RYR3: variants seen among roughly 807,000 people sequenced by gnomAD.
The protein encoded by RYR3 is ryanodine receptor 3.
Under a neutral mutation model 584.3 loss-of-function variants are expected in RYR3, and 207 were observed. The ratio of observed to expected loss-of-function variants is 0.35; its 90% CI spans 0.32 to 0.40. RYR3 has a LOEUF of 0.40. RYR3 is among the 10% of genes least tolerant of loss of function. The pLI, the probability that RYR3 is intolerant of heterozygous loss-of-function variation, is 1.00. For synonymous variants in RYR3, 2,416 were observed against 2,248.5 expected, an observed-to-expected ratio of 1.07 and a Z score of -2.11; for missense variants, 5,616 against 6,089.2, an observed-to-expected ratio of 0.92 and a Z score of 2.59.
At chr15:33,421,451 G>A (rs2044236169) in intron 1 of RYR3, among the ~76,000 whole-genome samples, 1 of 152,154 alleles carries the variant, frequency 6.6e-6, no homozygotes, top group Admixed American at 6.5e-5. Flanking sequence ...TAATCTGTAT[G>A]GTTTGGGAAA....
intron 1 of RYR3, among the ~76,000 whole-genome samples, chr15:33,372,514 G>A (rs1046978502): frequency 1.3e-5 from 2 of 151,852 alleles, no homozygotes; most frequent in Non-Finnish European, 2.9e-5. Flanking sequence ...ACAGGCGCCC[G>A]CCACCACGCC....
chr15:33,511,414 C>T (rs781396114), intron 3 of RYR3, among the ~76,000 whole-genome samples: 32 of 151,284 alleles, frequency 2.1e-4, no homozygotes, highest in Non-Finnish European at 3.8e-4. Context: ...AACCTGCACA[C>T]GCTAAAATAT....
At chr15:33,590,765 G>T (rs967409380) in intron 16 of RYR3, among the ~76,000 whole-genome samples, 26 of 151,978 alleles carry the variant, frequency 1.7e-4, no homozygotes, top group Admixed American at 1.0e-3. Flanking sequence ...TTCAGGATAT[G>T]ACATTTTTCC....
At chr15:33,839,907 G>C (rs1368703963) in intron 89 of RYR3, 3 of 152,152 alleles carry the variant, frequency 2.0e-5, no homozygotes, top group African/African-American at 7.2e-5. Flanking sequence ...CTAGAATACA[G>C]TTTGATACAT....
intron 1 of RYR3, among the ~76,000 whole-genome samples, chr15:33,320,237 A>G (rs756376307): frequency 1.3e-5 from 2 of 152,224 alleles, no homozygotes; most frequent in Non-Finnish European, 2.9e-5. Flanking sequence ...ACAGTGTATC[A>G]TTTATCACAG....
At chr15:33,773,034 C>G (rs1230533820) in intron 63 of RYR3, among the ~76,000 whole-genome samples, 2 of 152,202 alleles carry the variant, frequency 1.3e-5, no homozygotes, top group Non-Finnish European at 2.9e-5. Context: ...GCAGAACACC[C>G]AGCAGAGAAC....
At chr15:33,669,255 T>A in intron 36 of RYR3, 99 bp from the exon 37 acceptor site, 7 of 784,094 alleles carry the variant, frequency 8.9e-6, no homozygotes, top group Admixed American at 6.7e-5. Flanking sequence ...CTAAGTAAAA[T>A]AAATTTGAAA....
chr15:33,554,205 G>T (rs2056898548), intron 10 of RYR3, among the ~76,000 whole-genome samples: 1 of 151,482 alleles, frequency 6.6e-6, no homozygotes, highest in Non-Finnish European at 1.5e-5. Flanking sequence ...CTTGTAGTAA[G>T]TTTGAAAAAT....
intron 1 of RYR3, among the ~76,000 whole-genome samples, chr15:33,330,666 G>T (rs751826413): frequency 6.6e-6 from 1 of 152,150 alleles, no homozygotes; most frequent in Non-Finnish European, 1.5e-5. Context: ...TTTAAAATCA[G>T]TCTTCAATGT....
intron 81 of RYR3, among the ~76,000 whole-genome samples, chr15:33,824,198 A>G (rs1372166134): frequency 6.6e-6 from 1 of 152,218 alleles, no homozygotes; most frequent in African/African-American, 2.4e-5. Flanking sequence ...CAGTTCTCTC[A>G]GTATCCTGTA....
At position 33,699,801 on chromosome 15, in the gene RYR3, G is replaced by C; in HGVS notation, c.6347G>C (p.Ser2116Thr). The change falls in exon 41 of 104, where the codon AGT (serine) becomes ACT (threonine). Residue 2116 changes from serine to threonine, a missense_variant. Ser to Thr is a moderately conservative substitution (Grantham distance 58). Coordinates refer to ENST00000634891, the MANE Select transcript of RYR3 (RefSeq NM_001036.6). Reference protein sequence around the residue: ...QNQKAMFEHLSYLLENSSVGL... With the variant: ...QNQKAMFEHLTYLLENSSVGL... ...CAGAAGGCCATGTTTGAGCATCTGAGTTATCTTCTGGAGAATAGCAGTGTT... is the reference window on the plus strand; with the variant it reads ...CAGAAGGCCATGTTTGAGCATCTGACTTATCTTCTGGAGAATAGCAGTGTT... 1 of 1,613,878 alleles carries C rather than the reference G, an allele frequency of 6.2e-7. No individual in the cohort carries two copies. The highest frequency in any genetic ancestry group is 8.5e-7 in the Non-Finnish European group (1 of 1,179,846).
rs749498279 is a variant in RYR3 at position 33,816,812 on chromosome 15, A to G, written c.10503-50A>G. On this transcript the variant is annotated intron_variant, in intron 74 of 103. Transcript: ENST00000634891. ...AACCATTAACTGCCCAAACTAAAAG[A>G]ACAAGTTCCATGGATCCCTCTTGAC... 1.2e-5 allele frequency: 15 copies of G among 1,259,896 alleles called. No individual in the cohort carries two copies. In the East Asian group the frequency reaches 3.6e-4, roughly 30 times the overall value. The allele number at this position is 1,259,896 out of a possible 1,614,324, so 78.0% of individuals were successfully genotyped here.
intron 2 of RYR3, among the ~76,000 whole-genome samples, chr15:33,488,694 T>C (rs910402613): frequency 2.0e-5 from 3 of 151,920 alleles, no homozygotes; most frequent in Non-Finnish European, 2.9e-5. Context: ...CTACTAAAAA[T>C]ACAAAAAATT....
At chr15:33,522,953 A>G (rs2054114853) in intron 3 of RYR3, among the ~76,000 whole-genome samples, 1 of 152,216 alleles carries the variant, frequency 6.6e-6, no homozygotes. Flanking sequence ...TTACAATTCA[A>G]GGCCTGTTTG....
intron 36 of RYR3, 132 bp downstream of exon 36, chr15:33,663,869 T>C: frequency 1.4e-6 from 1 of 716,694 alleles, no homozygotes; most frequent in South Asian, 1.9e-5. Flanking sequence ...CCCACTGCAA[T>C]ACCAGGAGAC....
intron 2 of RYR3, among the ~76,000 whole-genome samples, chr15:33,496,329 A>G (rs1018346089): frequency 6.6e-6 from 1 of 152,194 alleles, no homozygotes; most frequent in African/African-American, 2.4e-5. Flanking sequence ...CTCTGTGTCT[A>G]CACAATCTGA....
chr15:33,670,672 T>C, intron 38 of RYR3, 116 bp downstream of exon 38: 1 of 1,040,074 alleles, frequency 9.6e-7, no homozygotes. Context: ...AGAAAGCATC[T>C]GGGCAGTATG....
chr15:33,342,531 C>A (rs1456939665), intron 1 of RYR3, among the ~76,000 whole-genome samples: 1 of 152,104 alleles, frequency 6.6e-6, no homozygotes, highest in African/African-American at 2.4e-5. Flanking sequence ...GTTTCCATAA[C>A]CTGCAGTAGT....
chr15:33,706,755 G>A lies in RYR3; in HGVS notation c.6484-164G>A, dbSNP rs964785502. On this transcript the variant is annotated intron_variant, in intron 42 of 103. Coordinates refer to ENST00000634891, the MANE Select transcript of RYR3 (RefSeq NM_001036.6). ...GTTTTTAATTTTCTGAGGATCTGTA[G>A]TACTGTTTTCCACAGTGGCTGTACC... 2.0e-5 allele frequency among the ~76,000 whole-genome samples: 3 copies of A among 152,288 alleles called. No individual in the cohort carries two copies. The South Asian group carries it at 6.2e-4, about 32-fold the overall frequency.
Sources: allele counts gnomAD v4.1 joint callset (sites outside exome capture counted in the v4.1 genomes callset), GRCh38; gene constraint gnomAD v4.1.1; transcripts MANE v1.5; gene names NCBI Gene and HGNC (gene_info 2026-07-23, HGNC 2026-07-21).